Variants in PGBD2 observed in about 807,000 individuals in gnomAD.
PGBD2 encodes piggyBac transposable element-derived protein 2.
Under a neutral mutation model 8.1 loss-of-function variants are expected in PGBD2, and 6 were observed. That is an observed-to-expected ratio of 0.74 (90% CI 0.40 to 1.46). PGBD2 has a LOEUF of 1.46. Among genes scored for constraint, PGBD2 ranks in the 40% most tolerant of loss-of-function variants. The pLI, the probability that PGBD2 is intolerant of heterozygous loss-of-function variation, is 0.02. For missense variants in PGBD2, 802 were observed against 739.0 expected (o/e 1.09, Z -0.99); for synonymous variants, 318 against 272.2 (o/e 1.17, Z -1.66).
At position 248,918,233 on chromosome 1, in the gene PGBD2, T is replaced by C; in HGVS notation, c.1649T>C (p.Ile550Thr). 1.2e-6 allele frequency: 2 copies of C among 1,614,102 alleles called. No individual in the cohort carries two copies. Among genetic ancestry groups the C allele is most frequent in the African/African-American group, 1.3e-5 (1 of 75,024 alleles). Residue 550 changes from isoleucine to threonine, a missense_variant, in exon 3 of 3, where the codon ATT (isoleucine) becomes ACT (threonine). By Grantham distance (89) the Ile-to-Thr change is moderately conservative. Transcript: ENST00000329291. ...GAGACTGAGAGCCGCTTCGATATGA[T>C]TGGGCACTGGATTATCCATCAGGAC... ...RLETESRFDM[I>T]GHWIIHQDKR...
downstream of PGBD2, chr1:248,919,751 GTTA>G (rs1473865216): frequency 6.0e-6 from 1 of 166,698 alleles, no homozygotes; most frequent in Non-Finnish European, 1.5e-5. Flanking sequence ...GCCAGCATTT[GTTA>G]TTGTCTGTCT....
chr1:248,879,355 C>T, the PGBD2 span, among the ~76,000 whole-genome samples: 2 of 152,040 alleles, frequency 1.3e-5, no homozygotes, highest in South Asian at 2.1e-4. Context: ...CCTGTTAATT[C>T]ATCTAATTAT....
chr1:248,883,584 CTTT>C, the PGBD2 span, among the ~76,000 whole-genome samples: 2 of 89,164 alleles, frequency 2.2e-5, no homozygotes, highest in Non-Finnish European at 4.2e-5. Flanking sequence ...TTTTTTTTTT[CTTT>C]TTTTTTTTTT....
At chr1:248,926,418 G>A in the PGBD2 span, among the ~76,000 whole-genome samples, 1 of 152,194 alleles carries the variant, frequency 6.6e-6, no homozygotes, top group African/African-American at 2.4e-5. Context: ...GAAAGGTAGT[G>A]CATTCCTGCT....
At chr1:248,885,972 C>CTATGG in the PGBD2 span, among the ~76,000 whole-genome samples, 1 of 152,128 alleles carries the variant, frequency 6.6e-6, no homozygotes, top group African/African-American at 2.4e-5. Flanking sequence ...ACTTTCCTAC[C>CTATGG]CTGTCAGTTT....
upstream of PGBD2, among the ~76,000 whole-genome samples, chr1:248,905,853 C>G (rs1369924047): frequency 6.6e-6 from 1 of 152,222 alleles, no homozygotes; most frequent in African/African-American, 2.4e-5. Flanking sequence ...TTATTGGGCA[C>G]ACCCTCAGAG....
chr1:248,874,378 A>C, the PGBD2 span, among the ~76,000 whole-genome samples: 2 of 152,194 alleles, frequency 1.3e-5, no homozygotes, highest in African/African-American at 4.8e-5. Context: ...TCCCAGAGTC[A>C]GCTATGACTT....
chr1:248,896,692 G>A, the PGBD2 span, among the ~76,000 whole-genome samples: 17,238 of 152,182 alleles, frequency 0.11, 2,739 homozygotes, highest in African/African-American at 0.35. Context: ...AGTCTTCAGC[G>A]CTCACCAAGA....
chr1:248,926,204 G>A, the PGBD2 span, among the ~76,000 whole-genome samples: 1 of 151,870 alleles, frequency 6.6e-6, no homozygotes. Context: ...AGAGTGTGTC[G>A]GTCATCACTT....
At chr1:248,899,535 G>A in the PGBD2 span, among the ~76,000 whole-genome samples, 2 of 152,082 alleles carry the variant, frequency 1.3e-5, no homozygotes, top group African/African-American at 2.4e-5. Context: ...GAAGTTCTTT[G>A]AAGCCAATGA....
chr1:248,875,788 A>C, the PGBD2 span, among the ~76,000 whole-genome samples: 208 of 152,314 alleles, frequency 1.4e-3, 1 homozygote, highest in Admixed American at 3.4e-3. Context: ...TGTTTAAAAC[A>C]AATAGGCCTG....
chr1:248,875,610 T>G, the PGBD2 span, among the ~76,000 whole-genome samples: 1 of 152,234 alleles, frequency 6.6e-6, no homozygotes, highest in Non-Finnish European at 1.5e-5. Context: ...AGTTCTATCT[T>G]CTTAACATTT....
chr1:248,890,914 C>T, the PGBD2 span, among the ~76,000 whole-genome samples: 1 of 151,450 alleles, frequency 6.6e-6, no homozygotes, highest in Non-Finnish European at 1.5e-5. Flanking sequence ...TACACACATG[C>T]ACCACACACC....
chr1:248,892,581 A>G, the PGBD2 span, among the ~76,000 whole-genome samples: 1 of 152,182 alleles, frequency 6.6e-6, no homozygotes, highest in Non-Finnish European at 1.5e-5. Context: ...TAAACATTCT[A>G]TGTGATTCAA....
intron 1 of PGBD2, among the ~76,000 whole-genome samples, chr1:248,911,625 C>G (rs991171143): frequency 6.8e-6 from 1 of 146,896 alleles, no homozygotes; most frequent in African/African-American, 2.7e-5. Flanking sequence ...TCTCAATGAG[C>G]TGTTGGGCAC....
chr1:248,919,676 T>C (rs1046095153), downstream of PGBD2: 1 of 166,534 alleles, frequency 6.0e-6, no homozygotes, highest in African/African-American at 2.4e-5. Flanking sequence ...CTGTTCTCCA[T>C]AGAGGTTGTA....
Position 248,914,682 on chromosome 1 carries a change from C to G in PGBD2, c.17+803C>G, listed in dbSNP as rs570672147. ...AGCTGCAGGGACCTCTGTGCCTACC[C>G]TCCATGCTGAGTCCATTCTCATAGC... On this transcript the variant is annotated intron_variant, in intron 2 of 2. Transcript: ENST00000329291. 8 of 1,051,682 alleles carry G rather than the reference C, an allele frequency of 7.6e-6. No homozygotes were observed. In the South Asian group the frequency reaches 8.2e-5, roughly 11 times the overall value. The allele number at this position is 1,051,682 out of a possible 1,614,324, so 65.1% of individuals were successfully genotyped here.
chr1:248,904,989 A>G (rs776560209), upstream of PGBD2, among the ~76,000 whole-genome samples: 1 of 152,118 alleles, frequency 6.6e-6, no homozygotes, highest in Non-Finnish European at 1.5e-5. Flanking sequence ...CAGAGAAGAC[A>G]CTCATTTAAC....
downstream of PGBD2, chr1:248,919,541 A>G (rs1229548020): frequency 6.0e-6 from 1 of 167,102 alleles, no homozygotes; most frequent in Non-Finnish European, 1.5e-5. Context: ...AATAGTGCAG[A>G]AAATAAACAT....
Sources: allele counts gnomAD v4.1 joint callset (sites outside exome capture counted in the v4.1 genomes callset), GRCh38; gene constraint gnomAD v4.1.1; transcripts MANE v1.5; gene names NCBI Gene and HGNC (gene_info 2026-07-23, HGNC 2026-07-21).